Variants in FUT8 observed in about 807,000 individuals in gnomAD.
The protein encoded by FUT8 is alpha-(1,6)-fucosyltransferase.
In FUT8, 29 loss-of-function variants were observed where a neutral mutation model predicts 71.3. The observed-to-expected ratio is 0.41, with a 90% confidence interval of 0.30 to 0.55. The LOEUF (loss-of-function observed/expected upper bound fraction) is 0.55. FUT8 is among the 20% of genes least tolerant of loss of function. The pLI is 0.34. For missense variants in FUT8, 544 were observed against 702.1 expected (o/e 0.77, Z 2.55); for synonymous variants, 254 against 239.3 (o/e 1.06, Z -0.57).
At chr14:65,463,007 T>C (rs968730535) in intron 2 of FUT8, among the ~76,000 whole-genome samples, 1 of 152,206 alleles carries the variant, frequency 6.6e-6, no homozygotes, top group Non-Finnish European at 1.5e-5. Context: ...CTAAGTGTTT[T>C]CATAGTGGAT....
At chr14:65,709,897 G>A (rs1894731407) in intron 7 of FUT8, among the ~76,000 whole-genome samples, 1 of 152,258 alleles carries the variant, frequency 6.6e-6, no homozygotes, top group South Asian at 2.1e-4. Flanking sequence ...GGACAGGATG[G>A]CAACTGTGAG....
chr14:65,495,070 G>A (rs1371348556), intron 2 of FUT8, among the ~76,000 whole-genome samples: 1 of 151,598 alleles, frequency 6.6e-6, no homozygotes, highest in East Asian at 1.9e-4. Flanking sequence ...GTTGGTTTAG[G>A]GACTTTGTAC....
chr14:65,647,434 C>T (rs1891172225), intron 6 of FUT8, among the ~76,000 whole-genome samples: 1 of 152,016 alleles, frequency 6.6e-6, no homozygotes, highest in Non-Finnish European at 1.5e-5. Context: ...GAGGTTTGTA[C>T]TTATCTTTGT....
chr14:65,373,120 C>A, the FUT8 span, among the ~76,000 whole-genome samples: 1 of 151,816 alleles, frequency 6.6e-6, no homozygotes, highest in Non-Finnish European at 1.5e-5. Flanking sequence ...TATCTGAAAT[C>A]TGAATTTATC....
At chr14:65,640,723 A>G (rs955321511) in intron 6 of FUT8, among the ~76,000 whole-genome samples, 2 of 152,140 alleles carry the variant, frequency 1.3e-5, no homozygotes, top group African/African-American at 4.8e-5. Flanking sequence ...TGAGTAAATG[A>G]ATTATCAATG....
intron 6 of FUT8, chr14:65,645,811 C>T (rs903102335): frequency 3.9e-5 from 6 of 152,156 alleles, no homozygotes; most frequent in African/African-American, 1.4e-4. Flanking sequence ...ATGCTAGGAA[C>T]CATGGGACAC....
intron 2 of FUT8, chr14:65,457,868 C>T (rs1021366630): frequency 1.3e-5 from 2 of 152,284 alleles, no homozygotes; most frequent in Non-Finnish European, 2.9e-5. Context: ...TTTGATTTCA[C>T]TTCCTTGTTT....
chr14:65,723,948 G>T (rs1032445687), intron 8 of FUT8, among the ~76,000 whole-genome samples, 199 bp from the exon 9 acceptor site: 3 of 152,004 alleles, frequency 2.0e-5, no homozygotes, highest in African/African-American at 7.3e-5. Context: ...CCCTTGTATT[G>T]TTTAGCCTGC....
At chr14:65,479,299 T>C (rs1392497112) in intron 2 of FUT8, among the ~76,000 whole-genome samples, 1 of 152,240 alleles carries the variant, frequency 6.6e-6, no homozygotes, top group Admixed American at 6.5e-5. Flanking sequence ...CTCCTTCAGA[T>C]AGAATGGTTG....
intron 5 of FUT8, among the ~76,000 whole-genome samples, chr14:65,626,178 A>G (rs111637675): frequency 9.2e-5 from 14 of 152,168 alleles, no homozygotes; most frequent in African/African-American, 3.4e-4. Flanking sequence ...CTCTTCAGAC[A>G]CAGTGTAAAA....
At chr14:65,734,246 A>G (rs929657078) in intron 10 of FUT8, among the ~76,000 whole-genome samples, 5 of 152,204 alleles carry the variant, frequency 3.3e-5, no homozygotes, top group African/African-American at 1.2e-4. Flanking sequence ...AGATAAATGT[A>G]TGCTTAAATG....
intron 2 of FUT8, among the ~76,000 whole-genome samples, chr14:65,536,969 CTTT>C (rs57549287): frequency 1.9e-4 from 24 of 124,546 alleles, no homozygotes; most frequent in Non-Finnish European, 3.2e-4. Context: ...TCTTCTTCTT[CTTT>C]TTTTTTTTTT....
At chr14:65,561,909 T>C in intron 3 of FUT8, 143 bp downstream of exon 3, 2 of 713,156 alleles carry the variant, frequency 2.8e-6, no homozygotes, top group South Asian at 3.7e-5. Flanking sequence ...GTTTTCTATC[T>C]CTGTGTATTT....
At chr14:65,486,013 A>G (rs531706766) in intron 2 of FUT8, among the ~76,000 whole-genome samples, 1 of 152,328 alleles carries the variant, frequency 6.6e-6, no homozygotes, top group Non-Finnish European at 1.5e-5. Context: ...CCTGGTTGTT[A>G]CTGCATCCTG....
At chr14:65,662,546 A>T (rs1247472879) in intron 6 of FUT8, among the ~76,000 whole-genome samples, 1 of 152,234 alleles carries the variant, frequency 6.6e-6, no homozygotes, top group Non-Finnish European at 1.5e-5. Flanking sequence ...TAGCATATAA[A>T]GACTCGTGAT....
At chr14:65,368,799 G>A in the FUT8 span, among the ~76,000 whole-genome samples, 1 of 152,100 alleles carries the variant, frequency 6.6e-6, no homozygotes, top group Admixed American at 6.5e-5. Context: ...TGGGATTACA[G>A]GCATGAGCCA....
intron 7 of FUT8, among the ~76,000 whole-genome samples, chr14:65,694,882 G>A (rs1316280889): frequency 2.3e-5 from 3 of 129,244 alleles, no homozygotes; most frequent in African/African-American, 5.8e-5. Context: ...ATCACACTCT[G>A]GGGACTGTTG....
chr14:65,617,671 G>A (rs998826884), intron 5 of FUT8, among the ~76,000 whole-genome samples: 1 of 152,136 alleles, frequency 6.6e-6, no homozygotes, highest in Non-Finnish European at 1.5e-5. Flanking sequence ...TGGGCTGGGC[G>A]TGGTGGCTCA....
intron 1 of FUT8, among the ~76,000 whole-genome samples, chr14:65,439,971 T>C (rs1467560864): frequency 2.2e-5 from 3 of 134,790 alleles, no homozygotes; most frequent in South Asian, 2.4e-4. Flanking sequence ...TATATATATA[T>C]ATATATATAT....
Sources: allele counts gnomAD v4.1 joint callset (sites outside exome capture counted in the v4.1 genomes callset), GRCh38; gene constraint gnomAD v4.1.1; transcripts MANE v1.5; gene names NCBI Gene and HGNC (gene_info 2026-07-23, HGNC 2026-07-21).